GALNTL6: variants seen among roughly 807,000 people sequenced by gnomAD.
GALNTL6 encodes the protein polypeptide N-acetylgalactosaminyltransferase-like 6.
Under a neutral mutation model 73.7 loss-of-function variants are expected in GALNTL6, and 46 were observed. The ratio of observed to expected loss-of-function variants is 0.62; its 90% confidence interval spans 0.49 to 0.80. The LOEUF is 0.80. Ranked by LOEUF, GALNTL6 falls within the 30% of genes least tolerant of loss-of-function variation. GALNTL6 has a pLI of 0.00. For missense variants in GALNTL6, 604 were observed against 755.0 expected (o/e 0.80, Z 2.34); for synonymous variants, 259 against 263.7 (o/e 0.98, Z 0.17).
At chr4:172,138,317 G>A (rs543060282) in intron 2 of GALNTL6, among the ~76,000 whole-genome samples, 1 of 149,350 alleles carries the variant, frequency 6.7e-6, no homozygotes, top group Non-Finnish European at 1.5e-5. Context: ...GATATTTTAG[G>A]TGTTACATGT....
chr4:172,782,318 A>G (rs75925352), intron 5 of GALNTL6, among the ~76,000 whole-genome samples: 2,082 of 152,292 alleles, frequency 0.014, 65 homozygotes, highest in African/African-American at 0.047. Flanking sequence ...TCTTGGAGAA[A>G]GTCAATTAAG....
intron 2 of GALNTL6, among the ~76,000 whole-genome samples, chr4:172,036,009 A>T (rs1274686875): frequency 1.3e-5 from 2 of 152,150 alleles, no homozygotes; most frequent in Non-Finnish European, 2.9e-5. Context: ...TTGGATATAT[A>T]CTTAGCATTT....
intron 2 of GALNTL6, among the ~76,000 whole-genome samples, chr4:172,062,811 C>G (rs1203249949): frequency 6.6e-6 from 1 of 152,218 alleles, no homozygotes; most frequent in Non-Finnish European, 1.5e-5. Flanking sequence ...GAATCTCCTG[C>G]CAAGTCCCCC....
At chr4:172,123,253 TC>T (rs1213690008) in intron 2 of GALNTL6, among the ~76,000 whole-genome samples, 5 of 152,200 alleles carry the variant, frequency 3.3e-5, no homozygotes, top group Non-Finnish European at 7.3e-5. Context: ...TGTATCATTT[TC>T]TAAAGAGACA....
chr4:172,528,952 C>CATATATATATATATATAATATATAT (rs765904258), intron 5 of GALNTL6, among the ~76,000 whole-genome samples: 3 of 23,316 alleles, frequency 1.3e-4, no homozygotes, highest in Non-Finnish European at 4.2e-4. Context: ...TTCCCAAAGG[C>CATATATATATATATATAATATATAT]ATATATATAT....
chr4:172,894,077 T>C (rs899450213), intron 8 of GALNTL6, among the ~76,000 whole-genome samples: 1 of 152,196 alleles, frequency 6.6e-6, no homozygotes, highest in African/African-American at 2.4e-5. Flanking sequence ...TTTCAGAAGA[T>C]CTGTTCAAAG....
intron 9 of GALNTL6, among the ~76,000 whole-genome samples, chr4:172,938,379 T>C (rs575083385): frequency 2.0e-5 from 3 of 152,294 alleles, no homozygotes; most frequent in East Asian, 1.9e-4. Context: ...TTGTTGACCA[T>C]GGTGTCAGCT....
At chr4:172,449,422 C>T (rs73869514) in intron 5 of GALNTL6, among the ~76,000 whole-genome samples, 4,298 of 152,260 alleles carry the variant, frequency 0.028, 204 homozygotes, top group African/African-American at 0.097. Flanking sequence ...CCTCTCCAAG[C>T]AAGTTCCCAT....
At chr4:172,595,252 A>G (rs1447602631) in intron 5 of GALNTL6, among the ~76,000 whole-genome samples, 1 of 152,212 alleles carries the variant, frequency 6.6e-6, no homozygotes, top group Non-Finnish European at 1.5e-5. Flanking sequence ...AGTAAAAAAA[A>G]TATTACAAGG....
At chr4:172,086,754 T>C (rs11934582) in intron 2 of GALNTL6, among the ~76,000 whole-genome samples, 7,795 of 152,224 alleles carry the variant, frequency 0.051, 625 homozygotes, top group African/African-American at 0.17. Flanking sequence ...ATTGACTTCT[T>C]ATTATAAAAA....
chr4:171,869,169 T>A (rs1017566728), intron 2 of GALNTL6, among the ~76,000 whole-genome samples: 1 of 152,174 alleles, frequency 6.6e-6, no homozygotes, highest in Non-Finnish European at 1.5e-5. Context: ...GTTTTTATAA[T>A]TCTCAGAGGA....
intron 5 of GALNTL6, among the ~76,000 whole-genome samples, chr4:172,696,775 T>C (rs1733721891): frequency 6.6e-6 from 1 of 152,210 alleles, no homozygotes; most frequent in African/African-American, 2.4e-5. Context: ...CTGGTATGTC[T>C]TTATTAGCAG....
chr4:173,025,562 C>T (rs1753197799), intron 12 of GALNTL6, among the ~76,000 whole-genome samples: 1 of 152,192 alleles, frequency 6.6e-6, no homozygotes, highest in Non-Finnish European at 1.5e-5. Flanking sequence ...TGCCCTGCTT[C>T]CTGTCTTTCC....
Position 173,031,217 on chromosome 4 carries a change from T to TAA in GALNTL6, c.1639-8709_1639-8708dup, listed in dbSNP as rs112358577. On this transcript the variant is annotated intron_variant, in intron 12 of 12. Coordinates refer to ENST00000506823, the MANE Select transcript of GALNTL6 (RefSeq NM_001034845.3). ...TGCCTTAGCAGGTTATTCTGATGAT[T>TAA]AAAAAAAATTTAAGTGCACCTAGAG... Among the ~76,000 whole-genome samples, 281 of 151,974 alleles carry TAA rather than the reference T, an allele frequency of 1.8e-3. 2 individuals are homozygous for TAA. Among genetic ancestry groups the TAA allele is most frequent in the African/African-American group, 6.4e-3 (264 of 41,388 alleles).
At chr4:172,576,562 T>C (rs1736964073) in intron 5 of GALNTL6, among the ~76,000 whole-genome samples, 1 of 152,174 alleles carries the variant, frequency 6.6e-6, no homozygotes, top group Non-Finnish European at 1.5e-5. Context: ...GCTCCATGAT[T>C]ACAAATCAAT....
chr4:172,477,539 A>G (rs1033126534), intron 5 of GALNTL6, among the ~76,000 whole-genome samples: 3 of 152,118 alleles, frequency 2.0e-5, no homozygotes, highest in African/African-American at 7.2e-5. Context: ...ACTCCCAGAA[A>G]TTCACTCAGA....
At chr4:171,923,108 A>C (rs939357242) in intron 2 of GALNTL6, among the ~76,000 whole-genome samples, 4 of 152,220 alleles carry the variant, frequency 2.6e-5, no homozygotes, top group African/African-American at 9.6e-5. Flanking sequence ...GAGAGACTGT[A>C]GGTCAACTAC....
chr4:172,120,240 A>T (rs1348671640), intron 2 of GALNTL6, among the ~76,000 whole-genome samples: 1 of 152,168 alleles, frequency 6.6e-6, no homozygotes, highest in Non-Finnish European at 1.5e-5. Flanking sequence ...GTAACAAACT[A>T]TCACAAACTT....
At chr4:172,884,866 T>C (rs971376729) in intron 8 of GALNTL6, among the ~76,000 whole-genome samples, 1 of 152,226 alleles carries the variant, frequency 6.6e-6, no homozygotes, top group Admixed American at 6.5e-5. Context: ...GCATCATTTA[T>C]TGAAGAAACT....
Sources: gnomAD v4.1 joint callset for allele counts (sites outside exome capture counted in the v4.1 genomes callset) on GRCh38, gnomAD v4.1.1 for gene constraint, MANE v1.5 for transcripts, NCBI Gene and HGNC (gene_info 2026-07-23, HGNC 2026-07-21) for gene names.